Variants in UNC45A observed in about 807,000 individuals in gnomAD.
The protein encoded by UNC45A is unc-45 myosin chaperone A, also known as protein unc-45 homolog A.
Under a neutral mutation model 103.2 loss-of-function variants are expected in UNC45A, and 78 were observed. That is an observed-to-expected ratio of 0.76 (90% CI 0.63 to 0.91). The LOEUF (loss-of-function observed/expected upper bound fraction) is 0.91, where lower values mean the gene tolerates loss of function less well. UNC45A is among the 40% of genes least tolerant of loss of function. The pLI is 0.00. For synonymous variants in UNC45A, 495 were observed against 504.6 expected, an observed-to-expected ratio of 0.98 and a Z score of 0.25; for missense variants, 1,193 against 1,224.8, an observed-to-expected ratio of 0.97 and a Z score of 0.39.
intron 8 of UNC45A, 120 bp downstream of exon 8, chr15:90,943,202 G>T: frequency 3.2e-6 from 4 of 1,259,934 alleles, no homozygotes; most frequent in South Asian, 1.6e-5. Flanking sequence ...GAGAGGCAGG[G>T]GGTCACTTGA....
At chr15:90,946,574 G>T (rs2036578821) in intron 9 of UNC45A, 40 bp from the exon 10 acceptor site, 1 of 1,546,770 alleles carries the variant, frequency 6.5e-7, no homozygotes. Context: ...GTCCCTTTAT[G>T]TTGGCCTTGG....
rs202031609 is a variant in UNC45A, at chr15:90,935,356, C to T, written c.32C>T (p.Pro11Leu). The change falls in exon 1 of 20, where the codon CCC becomes CTC. Residue 11 changes from proline (P) to leucine (L), a missense_variant. Transcript: ENST00000418476. ...GTGAGTGGTCCAGGGACCCCCGAGC[C>T]CCGGCCGGCCACCCCCGGGGTGCGT... MTVSGPGTPE[P>L]RPATPGASSV... is the part of the protein sequence containing the mutation. 9.5e-5 allele frequency: 152 copies of T among 1,603,838 alleles called. No homozygotes were observed. In the African/African-American group the frequency reaches 1.7e-3, roughly 18 times the overall value.
rs754001657 is a variant in UNC45A at position 90,942,498 on chromosome 15, G to A, written c.749G>A (p.Ser250Asn). 1.2e-6 allele frequency: 2 copies of A among 1,614,160 alleles called. No homozygotes were observed. Among genetic ancestry groups the A allele is most frequent in the Admixed American group, 3.3e-5 (2 of 60,028 alleles). The change falls in exon 7 of 20, where the codon AGC becomes AAC. Residue 250 changes from serine (S) to asparagine (N), a missense_variant. Ser to Asn is a conservative substitution (Grantham distance 46). Coordinates refer to ENST00000418476, the MANE Select transcript of UNC45A (RefSeq NM_018671.5). ...GTAGTCTCCATCCTGGGCGTGGAAA[G>A]CCAGGCTGTGTCCCTGGCTGCCTGC... is the stretch of plus-strand genomic sequence containing the variant. ...RRVVSILGVE[S>N]QAVSLAACHL...
chr15:90,949,783 C>T lies in UNC45A; in HGVS notation c.2073+63C>T, dbSNP rs1442230418. Reference sequence around the variant, plus strand: ...CATCAGCCTATAAAACATGACTCAGCAGCTGCCACGCCAGAGCTGGGTGTT... The same window carrying T: ...CATCAGCCTATAAAACATGACTCAGTAGCTGCCACGCCAGAGCTGGGTGTT... On this transcript the variant is annotated intron_variant, in intron 15 of 19. Transcript: ENST00000418476. 5 of 1,520,354 alleles carry T rather than the reference C, an allele frequency of 3.3e-6. No individual in the cohort carries two copies. In the Admixed American group the frequency reaches 6.7e-5, roughly 20 times the overall value. 94.2% of individuals were successfully genotyped at this position (1,520,354 alleles called of 1,614,324 possible).
In UNC45A at chr15:90,950,261, C is replaced by A. The variant is rs768006643; in HGVS notation, c.2181C>A (p.Gly727=). ...CCAACCCGGAGATGACCTTCCCTGG[C>A]GAGCGGGTACGTGTCTTCCTGCCCC... is the stretch of plus-strand genomic sequence containing the variant. The part of the protein sequence containing the change: ...ITSNPEMTFP[G]ERIYEVVRPL... Residue 727 remains glycine (G), a synonymous_variant, in exon 16 of 20, where the codon GGC becomes GGA. Coordinates refer to ENST00000418476, the MANE Select transcript of UNC45A (RefSeq NM_018671.5). The A allele has an allele frequency of 6.4e-7, 1 of 1,551,694 alleles. No individual in the cohort carries two copies.
chr15:90,935,606 G>A lies in UNC45A; in HGVS notation c.114G>A (p.Gly38=). The change falls in exon 2 of 20, where the codon GGG becomes GGA. Residue 38 remains glycine (G), a synonymous_variant. Transcript: ENST00000418476. ...GNELFKCGDY[G]GALAAYTQAL... is the part of the protein sequence containing the mutation. Reference sequence around the variant, plus strand: ...AGCTGTTCAAATGTGGAGACTACGGGGGCGCCCTGGCGGCCTACACTCAGG... The same window carrying A: ...AGCTGTTCAAATGTGGAGACTACGGAGGCGCCCTGGCGGCCTACACTCAGG... 1 of 1,613,188 alleles carries A rather than the reference G, an allele frequency of 6.2e-7. No individual in the cohort carries two copies. Among genetic ancestry groups the A allele is most frequent in the Non-Finnish European group, 8.5e-7 (1 of 1,179,676 alleles).
At chr15:90,944,504 C>T (rs1044649128) in intron 8 of UNC45A, among the ~76,000 whole-genome samples, 20 of 151,932 alleles carry the variant, frequency 1.3e-4, no homozygotes, top group African/African-American at 4.6e-4. Context: ...GTGTGGGTAT[C>T]GTGTTCACAG....
chr15:90,934,881 C>T (rs984497910), upstream of UNC45A: 3 of 438,994 alleles, frequency 6.8e-6, no homozygotes, highest in Non-Finnish European at 1.2e-5. Context: ...CTGTACCCCC[C>T]ACAGAGCGCA....
At position 90,942,730 on chromosome 15, in the gene UNC45A, T is replaced by A. The variant is rs746981833; in HGVS notation, c.856+125T>A. 70 of 1,537,968 alleles carry A rather than the reference T, an allele frequency of 4.6e-5. No homozygotes were observed. In the South Asian group the frequency reaches 7.6e-4, roughly 17 times the overall value. ...GCAGGTTGTTTGGAATACGGTTTGGTGACATTATTTTACTCTAGATTCTCA... is the reference window on the plus strand; with the variant it reads ...GCAGGTTGTTTGGAATACGGTTTGGAGACATTATTTTACTCTAGATTCTCA... On this transcript the variant is annotated intron_variant, in intron 7 of 19. Transcript: ENST00000418476.
upstream of UNC45A, chr15:90,931,171 G>A: frequency 2.2e-6 from 3 of 1,381,196 alleles, no homozygotes; most frequent in Non-Finnish European, 3.0e-6. Flanking sequence ...TCTAATATCT[G>A]GGAAGGATGG....
chr15:90,934,122 G>C (rs1248914247), upstream of UNC45A: 1 of 399,050 alleles, frequency 2.5e-6, no homozygotes, highest in Non-Finnish European at 4.4e-6. Flanking sequence ...GGTGACCCTT[G>C]TCCAGCCAAC....
chr15:90,936,159 T>G (rs1192904742), intron 3 of UNC45A, 126 bp from the exon 4 acceptor site: 1 of 1,508,054 alleles, frequency 6.6e-7, no homozygotes, highest in Non-Finnish European at 8.8e-7. Context: ...TTTCTGAGGC[T>G]GAAGCACCGA....
In UNC45A at chr15:90,949,382, GT is replaced by G; in HGVS notation, c.1946del (p.Val649GlyfsTer4). ...GGCAGCGGGTGTGGTGTCGGCCATG[GT>G]GTGCATGGTGAAGACGGAGAGCCCT... is the stretch of plus-strand genomic sequence containing the variant. Reference protein sequence around the residue: ...LLAAGVVSAMVCMVKTESPVL... With the variant: ...LLAAGVVSAMXCMVKTESPVL... On this transcript the variant is annotated frameshift_variant, in exon 14 of 20. Transcript: ENST00000418476. LOFTEE classifies it high-confidence loss of function. 6.2e-7 allele frequency: 1 copy of G among 1,613,762 alleles called. No homozygotes were observed. The highest frequency in any genetic ancestry group is 8.5e-7 in the Non-Finnish European group (1 of 1,180,012).
At position 90,935,529 on chromosome 15, in the gene UNC45A, C is replaced by G; in HGVS notation, c.52-15C>G. 6.3e-7 allele frequency: 1 copy of G among 1,584,000 alleles called. No homozygotes were observed. Among genetic ancestry groups the G allele is most frequent in the Middle Eastern group, 1.7e-4 (1 of 5,926 alleles). On this transcript the variant is annotated splice_polypyrimidine_tract_variant and intron_variant, in intron 1 of 19. Coordinates refer to ENST00000418476, the MANE Select transcript of UNC45A (RefSeq NM_018671.5). ...CGAACCCCCTCCGACGTTTCCGCCC[C>G]CTTTCTCTCTACAGGCCAGCTCAGT...
At chr15:90,946,533 T>C (rs2151369382) in intron 9 of UNC45A, 81 bp from the exon 10 acceptor site, 1 of 1,450,436 alleles carries the variant, frequency 6.9e-7, no homozygotes, top group South Asian at 1.4e-5. Context: ...TGCAGGTGCC[T>C]GGCCAGTGGA....
chr15:90,945,062 A>G lies in UNC45A; in HGVS notation c.1198A>G (p.Lys400Glu). 1 of 1,611,966 alleles carries G rather than the reference A, an allele frequency of 6.2e-7. No individual in the cohort carries two copies. Among genetic ancestry groups the G allele is most frequent in the Non-Finnish European group, 8.5e-7 (1 of 1,179,646 alleles). ...CCACAGACTTTGTGAAAACTACATC[A>G]AGTAAGGAAGTCTGTTTCACCTCCC... Reference protein sequence around the residue: ...NFHRLCENYIKSWFEGQGLAG... With the variant: ...NFHRLCENYIESWFEGQGLAG... The change falls in exon 9 of 20, where the codon AAG (lysine) becomes GAG (glutamate). Residue 400 changes from lysine to glutamate, a missense_variant and splice_region_variant. By Grantham distance (56) the Lys-to-Glu change is moderately conservative (BLOSUM62 1). Coordinates refer to ENST00000418476, the MANE Select transcript of UNC45A (RefSeq NM_018671.5).
At chr15:90,931,004 G>T (rs1157526839), upstream of UNC45A, 2 of 438,156 alleles carry the variant, frequency 4.6e-6, no homozygotes, top group East Asian at 9.0e-5. Context: ...AGGGGCCAGA[G>T]ATCCCACCAT....
Position 90,953,855 on chromosome 15 carries a change from C to G in UNC45A, c.*139C>G. On this transcript the variant is annotated 3_prime_UTR_variant, in exon 20 of 20. Coordinates refer to ENST00000418476, the MANE Select transcript of UNC45A (RefSeq NM_018671.5). ...TCCTCGCTTGCTGCCCTAGGATGTC[C>G]TCTGTTCTGAGTCAGCGGCCACGTT... 7.7e-7 allele frequency: 1 copy of G among 1,298,766 alleles called. No homozygotes were observed. The highest frequency in any genetic ancestry group is 1.1e-6 in the Non-Finnish European group (1 of 950,542). 80.5% of individuals were successfully genotyped at this position (1,298,766 alleles called of 1,614,324 possible).
chr15:90,931,371 C>T, upstream of UNC45A: 4 of 1,557,632 alleles, frequency 2.6e-6, no homozygotes, highest in Non-Finnish European at 3.5e-6. Context: ...GCGCTGCCCA[C>T]TCGAAGTATT....
Sources: allele counts gnomAD v4.1 joint callset (sites outside exome capture counted in the v4.1 genomes callset), GRCh38; gene constraint gnomAD v4.1.1; transcripts MANE v1.5; gene names NCBI Gene and HGNC (gene_info 2026-07-23, HGNC 2026-07-21).